UBE2R2: variants seen among roughly 807,000 people sequenced by gnomAD.
The protein encoded by UBE2R2 is ubiquitin conjugating enzyme E2 R2, also known as ubiquitin-conjugating enzyme E2 R2.
A neutral mutation model predicts 27.8 loss-of-function variants in UBE2R2; 1 was observed. That is an observed-to-expected ratio of 0.04 (90% CI 0.01 to 0.17). UBE2R2 has a LOEUF of 0.17. Among genes scored for constraint, UBE2R2 ranks in the 10% least tolerant of loss-of-function variants. UBE2R2 has a pLI of 1.00. For missense variants in UBE2R2, 100 were observed against 291.0 expected, an observed-to-expected ratio of 0.34 and a Z score of 4.78; for synonymous variants, 106 against 113.3, an observed-to-expected ratio of 0.94 and a Z score of 0.41.
intron 1 of UBE2R2, among the ~76,000 whole-genome samples, chr9:33,841,162 A>G (rs1008517552): frequency 6.6e-6 from 1 of 151,596 alleles, no homozygotes; most frequent in African/African-American, 2.4e-5. Flanking sequence ...GGCTCACTGC[A>G]ACCTCTGCCT....
In UBE2R2 at chr9:33,857,671, G is replaced by C. The variant is rs144064805; in HGVS notation, c.178-29210G>C. Among the ~76,000 whole-genome samples the C allele has an allele frequency of 4.7e-3, 719 of 152,256 alleles. 2 individuals carry two copies. Among genetic ancestry groups the C allele is most frequent in the Middle Eastern group, 0.014 (4 of 294 alleles). ...TTACTATGATAAACTATACTTGAAA[G>C]TCATATTTAGTTATCTGTAGGTTAA... On this transcript the variant is annotated intron_variant, in intron 1 of 4. Coordinates refer to ENST00000263228, the MANE Select transcript of UBE2R2 (RefSeq NM_017811.4).
chr9:33,822,211 C>T (rs991814870), intron 1 of UBE2R2, among the ~76,000 whole-genome samples: 14 of 151,550 alleles, frequency 9.2e-5, no homozygotes, highest in African/African-American at 2.7e-4. Flanking sequence ...TCTGCCTCAG[C>T]CTCCTGAGTA....
intron 1 of UBE2R2, among the ~76,000 whole-genome samples, chr9:33,835,484 G>A (rs936834465): frequency 8.5e-5 from 13 of 152,072 alleles, no homozygotes; most frequent in African/African-American, 3.1e-4. Context: ...TGTATATGCT[G>A]TACTTCATTT....
chr9:33,818,372 T>C (rs1734666), intron 1 of UBE2R2, among the ~76,000 whole-genome samples: 1 of 3,784 alleles, frequency 2.6e-4, no homozygotes, highest in African/African-American at 9.6e-4. Context: ...TTTTGGGGGG[T>C]GGGGGTGGGG....
intron 2 of UBE2R2, among the ~76,000 whole-genome samples, chr9:33,887,626 ACTATT>A (rs1306500166): frequency 1.3e-5 from 2 of 151,736 alleles, no homozygotes; most frequent in Non-Finnish European, 2.9e-5. Context: ...GCTACTCTTC[ACTATT>A]CTATAAGTGT....
At position 33,918,754 on chromosome 9, in the gene UBE2R2, G is replaced by A. The variant is rs1186779993; in HGVS notation, c.*1517G>A. 1 of 152,592 alleles carries A rather than the reference G, an allele frequency of 6.6e-6. No individual in the cohort carries two copies. The highest frequency in any genetic ancestry group is 1.5e-5 in the Non-Finnish European group (1 of 68,036). The allele number at this position is 152,592 out of a possible 1,614,324, so 9.5% of individuals were successfully genotyped here. ...GACTGTAGTCCTATTTCAGACCCCT[G>A]GGCACTAGTGTCAACTCCTCCTTTG... On this transcript the variant is annotated 3_prime_UTR_variant, in exon 5 of 5. Coordinates refer to ENST00000263228, the MANE Select transcript of UBE2R2 (RefSeq NM_017811.4).
chr9:33,839,928 T>A (rs751567013), intron 1 of UBE2R2, among the ~76,000 whole-genome samples: 62 of 151,990 alleles, frequency 4.1e-4, no homozygotes, highest in Middle Eastern at 3.2e-3. Context: ...CACAGAAGTT[T>A]GAGGCTGCAG....
chr9:33,896,160 G>A (rs1822100268), intron 2 of UBE2R2, among the ~76,000 whole-genome samples: 2 of 152,116 alleles, frequency 1.3e-5, no homozygotes, highest in Admixed American at 1.3e-4. Context: ...AAAAATAAAA[G>A]TGACTGAGTT....
At chr9:33,856,301 G>A (rs1821099750) in intron 1 of UBE2R2, among the ~76,000 whole-genome samples, 1 of 152,052 alleles carries the variant, frequency 6.6e-6, no homozygotes, top group Admixed American at 6.6e-5. Flanking sequence ...GTATGTATAT[G>A]TAATTTTAAA....
At chr9:33,819,684 G>A (rs1825930592) in intron 1 of UBE2R2, among the ~76,000 whole-genome samples, 1 of 151,738 alleles carries the variant, frequency 6.6e-6, no homozygotes, top group Admixed American at 6.6e-5. Flanking sequence ...TGTCACCCTG[G>A]CTGGAGTGCA....
At chr9:33,915,829 A>T (rs1157624075) in intron 4 of UBE2R2, among the ~76,000 whole-genome samples, 4 of 152,124 alleles carry the variant, frequency 2.6e-5, no homozygotes, top group Non-Finnish European at 4.4e-5. Flanking sequence ...TGAAAGAATG[A>T]CTAGATGGCT....
At chr9:33,871,970 C>G (rs929312347) in intron 1 of UBE2R2, among the ~76,000 whole-genome samples, 3 of 152,120 alleles carry the variant, frequency 2.0e-5, no homozygotes, top group Admixed American at 2.0e-4. Flanking sequence ...CCTCAGCCTC[C>G]CAAAGTGCTG....
intron 1 of UBE2R2, among the ~76,000 whole-genome samples, chr9:33,844,484 G>A (rs187797046): frequency 2.8e-3 from 420 of 150,012 alleles, no homozygotes; most frequent in Non-Finnish European, 4.4e-3. Context: ...GATTACAGGC[G>A]TGAGCCACCA....
intron 1 of UBE2R2, among the ~76,000 whole-genome samples, chr9:33,820,348 A>G (rs981939957): frequency 6.6e-5 from 10 of 152,172 alleles, no homozygotes; most frequent in Non-Finnish European, 1.3e-4. Context: ...GAGTGTTTTT[A>G]CCTTTAATTC....
At chr9:33,845,558 A>G (rs763601924) in intron 1 of UBE2R2, among the ~76,000 whole-genome samples, 67 of 152,002 alleles carry the variant, frequency 4.4e-4, no homozygotes, top group Non-Finnish European at 8.4e-4. Context: ...TGGCCTGGAT[A>G]CATTTCTTTG....
At chr9:33,908,006 A>C (rs1052775503) in intron 3 of UBE2R2, among the ~76,000 whole-genome samples, 5 of 152,024 alleles carry the variant, frequency 3.3e-5, no homozygotes, top group African/African-American at 1.2e-4. Context: ...TTTTTAGTAG[A>C]GACGGGGTTT....
intron 1 of UBE2R2, among the ~76,000 whole-genome samples, chr9:33,835,718 CA>C (rs914835396): frequency 2.6e-4 from 35 of 136,192 alleles, no homozygotes; most frequent in Admixed American, 3.7e-4. Context: ...CCCGTTTCTA[CA>C]AAAAAAAAAA....
intron 1 of UBE2R2, among the ~76,000 whole-genome samples, chr9:33,886,570 G>A (rs1266644114): frequency 1.3e-5 from 2 of 150,334 alleles, no homozygotes; most frequent in Admixed American, 6.7e-5. Flanking sequence ...CAGGAGAATC[G>A]CTTGGACCTG....
intron 3 of UBE2R2, among the ~76,000 whole-genome samples, chr9:33,911,531 T>C (rs955983784): frequency 2.6e-5 from 4 of 152,040 alleles, no homozygotes; most frequent in African/African-American, 9.7e-5. Flanking sequence ...GCCATTTAAT[T>C]TGTAATTTTT....
Sources: allele counts gnomAD v4.1 joint callset (sites outside exome capture counted in the v4.1 genomes callset), GRCh38; gene constraint gnomAD v4.1.1; transcripts MANE v1.5; gene names NCBI Gene and HGNC (gene_info 2026-07-23, HGNC 2026-07-21).